LUZP2: variants seen among roughly 807,000 people sequenced by gnomAD.
The protein encoded by LUZP2 is leucine zipper protein 2.
A neutral mutation model predicts 51.6 loss-of-function variants in LUZP2; 52 were observed. The observed-to-expected ratio is 1.01, with a 90% CI of 0.81 to 1.27. The LOEUF is 1.27. LUZP2 is among the 50% of genes most tolerant of loss of function. The probability of loss-of-function intolerance (pLI) is 0.00; values close to 1 mark genes in which losing one functional copy is unlikely to be tolerated. For synonymous variants in LUZP2, 154 were observed against 137.3 expected (o/e 1.12, Z -0.85); for missense variants, 436 against 395.4 (o/e 1.10, Z -0.87).
At chr11:25,055,275 C>G (rs1858651022) in intron 10 of LUZP2, among the ~76,000 whole-genome samples, 1 of 152,022 alleles carries the variant, frequency 6.6e-6, no homozygotes, top group African/African-American at 2.4e-5. Context: ...TCCCAAAGTG[C>G]TGGGATTACA....
At chr11:24,593,209 G>A (rs1853317684) in intron 1 of LUZP2, among the ~76,000 whole-genome samples, 1 of 151,972 alleles carries the variant, frequency 6.6e-6, no homozygotes, top group Admixed American at 6.6e-5. Flanking sequence ...TTCCATCTTT[G>A]ATATAGCATT....
intron 1 of LUZP2, among the ~76,000 whole-genome samples, chr11:24,654,660 G>A (rs779451237): frequency 2.2e-4 from 32 of 146,328 alleles, no homozygotes; most frequent in Admixed American, 1.1e-3. Context: ...GAGTAGCTGG[G>A]ATTACAGGCG....
intron 7 of LUZP2, among the ~76,000 whole-genome samples, chr11:24,922,637 CA>C (rs1280126075): frequency 6.6e-6 from 1 of 152,018 alleles, no homozygotes; most frequent in Non-Finnish European, 1.5e-5. Flanking sequence ...GAGGGGTTAA[CA>C]ATATTATTTT....
chr11:24,658,045 G>T (rs1332295777), intron 1 of LUZP2, among the ~76,000 whole-genome samples: 1 of 152,164 alleles, frequency 6.6e-6, no homozygotes, highest in Admixed American at 6.6e-5. Context: ...AGCTACAAAT[G>T]ACTTTCTTCA....
At chr11:24,711,513 A>G (rs1406175862) in intron 1 of LUZP2, among the ~76,000 whole-genome samples, 4 of 151,520 alleles carry the variant, frequency 2.6e-5, no homozygotes, top group African/African-American at 9.7e-5. Context: ...TTGTAGGTAT[A>G]GACATCAGGG....
At chr11:24,789,289 G>T (rs1418068388) in intron 5 of LUZP2, among the ~76,000 whole-genome samples, 1 of 152,146 alleles carries the variant, frequency 6.6e-6, no homozygotes, top group Non-Finnish European at 1.5e-5. Flanking sequence ...GTCAACTAGG[G>T]ATGCCAGGAT....
At chr11:24,765,843 G>A (rs1860170949) in intron 5 of LUZP2, among the ~76,000 whole-genome samples, 1 of 151,974 alleles carries the variant, frequency 6.6e-6, no homozygotes, top group African/African-American at 2.4e-5. Flanking sequence ...AGCCAGGATG[G>A]TCTCCATCTC....
chr11:25,014,811 A>G (rs943518427), intron 9 of LUZP2, among the ~76,000 whole-genome samples: 4 of 152,168 alleles, frequency 2.6e-5, no homozygotes, highest in South Asian at 2.1e-4. Context: ...TGTTTTAGAC[A>G]TGAAGTCCTT....
At chr11:25,045,393 A>C (rs1238188554) in intron 9 of LUZP2, among the ~76,000 whole-genome samples, 1 of 151,924 alleles carries the variant, frequency 6.6e-6, no homozygotes, top group Non-Finnish European at 1.5e-5. Flanking sequence ...AACTGAAAAA[A>C]AAAAAAAAGA....
intron 4 of LUZP2, among the ~76,000 whole-genome samples, chr11:24,745,587 TTA>T (rs1859349363): frequency 2.0e-5 from 3 of 152,286 alleles, no homozygotes; most frequent in African/African-American, 7.2e-5. Context: ...TACTTTAAGT[TTA>T]TATGAGTTCT....
intron 1 of LUZP2, among the ~76,000 whole-genome samples, chr11:24,646,787 A>G (rs1855474069): frequency 6.6e-6 from 1 of 152,176 alleles, no homozygotes; most frequent in African/African-American, 2.4e-5. Flanking sequence ...TTCTCATGTC[A>G]CTGGTCTGTG....
chr11:24,683,220 C>T (rs1856802786), intron 1 of LUZP2, among the ~76,000 whole-genome samples: 1 of 152,166 alleles, frequency 6.6e-6, no homozygotes, highest in South Asian at 2.1e-4. Context: ...CTTCATTTCA[C>T]TACATTTTTT....
At chr11:24,903,220 T>C in intron 5 of LUZP2, among the ~76,000 whole-genome samples, 1 of 152,328 alleles carries the variant, frequency 6.6e-6, no homozygotes, top group East Asian at 1.9e-4. Flanking sequence ...AATTAATGTA[T>C]ATCAGATTCT....
chr11:24,864,594 G>A (rs1851833375), intron 5 of LUZP2, among the ~76,000 whole-genome samples: 1 of 152,146 alleles, frequency 6.6e-6, no homozygotes, highest in African/African-American at 2.4e-5. Flanking sequence ...GTGTCCGCAT[G>A]GTGGCAAGTT....
intron 1 of LUZP2, among the ~76,000 whole-genome samples, chr11:24,597,043 T>C (rs1590221104): frequency 6.6e-6 from 1 of 152,232 alleles, no homozygotes; most frequent in Non-Finnish European, 1.5e-5. Context: ...AAGTAGTAAT[T>C]TCAATAAAAG....
intron 1 of LUZP2, among the ~76,000 whole-genome samples, chr11:24,650,087 C>T (rs1301444131): frequency 6.6e-6 from 1 of 151,520 alleles, no homozygotes; most frequent in Non-Finnish European, 1.5e-5. Context: ...TGAAACAATG[C>T]GAAATTCCAT....
At chr11:24,698,046 C>G (rs772292684) in intron 1 of LUZP2, among the ~76,000 whole-genome samples, 8 of 152,098 alleles carry the variant, frequency 5.3e-5, no homozygotes, top group Non-Finnish European at 1.2e-4. Flanking sequence ...GCCAAATTGT[C>G]CTTAAAAAAT....
chr11:24,835,918 T>G (rs1246316437), intron 5 of LUZP2, among the ~76,000 whole-genome samples: 1 of 152,008 alleles, frequency 6.6e-6, no homozygotes, highest in Non-Finnish European at 1.5e-5. Flanking sequence ...CATGAGTTAT[T>G]AAGAAACTAC....
chr11:24,526,344 A>G (rs1263382692), intron 1 of LUZP2, among the ~76,000 whole-genome samples: 4 of 151,186 alleles, frequency 2.6e-5, no homozygotes, highest in South Asian at 2.1e-4. Context: ...ATTCATTCAA[A>G]TTTTATTCAG....
Sources: gnomAD v4.1 joint callset for allele counts (sites outside exome capture counted in the v4.1 genomes callset) on GRCh38, gnomAD v4.1.1 for gene constraint, MANE v1.5 for transcripts, NCBI Gene and HGNC (gene_info 2026-07-23, HGNC 2026-07-21) for gene names.